CDH13: variants seen among roughly 807,000 people sequenced by gnomAD.
CDH13 encodes cadherin 13.
Under a neutral mutation model 63.8 loss-of-function variants are expected in CDH13, and 24 were observed. That is an observed-to-expected ratio of 0.38 (90% CI 0.27 to 0.53). The LOEUF (loss-of-function observed/expected upper bound fraction) is 0.53. Among genes scored for constraint, CDH13 ranks in the 20% least tolerant of loss-of-function variants. The pLI, the probability that CDH13 is intolerant of heterozygous loss-of-function variation, is 0.85. For missense variants in CDH13, 1,049 were observed against 903.1 expected, an observed-to-expected ratio of 1.16 and a Z score of -2.07; for synonymous variants, 503 against 355.3, an observed-to-expected ratio of 1.42 and a Z score of -4.67.
chr16:83,274,558 C>G (rs1384886674), intron 5 of CDH13, among the ~76,000 whole-genome samples: 1 of 152,100 alleles, frequency 6.6e-6, no homozygotes, highest in Non-Finnish European at 1.5e-5. Context: ...TAATGTATTC[C>G]TTCAAGAAAG....
chr16:82,856,299 C>A (rs982145889), intron 1 of CDH13, among the ~76,000 whole-genome samples: 5 of 149,044 alleles, frequency 3.4e-5, no homozygotes, highest in African/African-American at 9.9e-5. Context: ...TGGCGTCAAG[C>A]TGGGGGCGGA....
chr16:82,889,580 G>A (rs539312923), intron 2 of CDH13, among the ~76,000 whole-genome samples: 1 of 152,254 alleles, frequency 6.6e-6, no homozygotes, highest in South Asian at 2.1e-4. Context: ...CATGTATCTG[G>A]TTTATAGTAT....
chr16:83,230,830 T>C (rs2039981843), intron 5 of CDH13, among the ~76,000 whole-genome samples: 1 of 152,186 alleles, frequency 6.6e-6, no homozygotes, highest in African/African-American at 2.4e-5. Context: ...AAGTATTTCT[T>C]GGGAATGCCA....
At chr16:82,651,456 C>G (rs1035104800) in intron 1 of CDH13, among the ~76,000 whole-genome samples, 1 of 152,200 alleles carries the variant, frequency 6.6e-6, no homozygotes, top group Non-Finnish European at 1.5e-5. Flanking sequence ...AAACAATTGG[C>G]AGAACCACGG....
intron 6 of CDH13, among the ~76,000 whole-genome samples, chr16:83,418,702 G>A (rs932957029): frequency 1.3e-5 from 2 of 152,198 alleles, no homozygotes; most frequent in African/African-American, 2.4e-5. Flanking sequence ...GAGAGAGAGA[G>A]AGAGACAGAG....
intron 6 of CDH13, among the ~76,000 whole-genome samples, chr16:83,408,109 G>C (rs890776227): frequency 6.6e-6 from 1 of 152,156 alleles, no homozygotes; most frequent in African/African-American, 2.4e-5. Flanking sequence ...CTCATTTGCT[G>C]CTAAAGATGT....
At chr16:82,832,714 A>C (rs2038600491) in intron 1 of CDH13, among the ~76,000 whole-genome samples, 1 of 145,648 alleles carries the variant, frequency 6.9e-6, no homozygotes, top group Non-Finnish European at 1.5e-5. Context: ...GCCATGTTAC[A>C]GTAAGCTTTT....
rs79382293 is a variant in CDH13, at chr16:83,665,160, G to A, written c.1102-5630G>A. Among the ~76,000 whole-genome samples the A allele has an allele frequency of 8.0e-3, 1,159 of 145,604 alleles. 17 individuals are homozygous for A. Among genetic ancestry groups the A allele is most frequent in the African/African-American group, 0.03 (1,115 of 37,704 alleles). ...GAATGAGCAAGTGTGTGAGTGCCAG[G>A]CATACATAACTGAAAAAAAAAAGCT... On this transcript the variant is annotated intron_variant, in intron 8 of 13. Coordinates refer to ENST00000567109, the MANE Select transcript of CDH13 (RefSeq NM_001257.5).
chr16:82,775,451 C>T (rs1317327665), intron 1 of CDH13, among the ~76,000 whole-genome samples: 1 of 152,192 alleles, frequency 6.6e-6, no homozygotes, highest in African/African-American at 2.4e-5. Flanking sequence ...GGATCACACT[C>T]ACCCCATAGG....
At chr16:83,034,099 T>C (rs1368720178) in intron 3 of CDH13, among the ~76,000 whole-genome samples, 1 of 152,076 alleles carries the variant, frequency 6.6e-6, no homozygotes, top group African/African-American at 2.4e-5. Flanking sequence ...TATAGCTTCT[T>C]TATCTGCAGA....
At chr16:83,419,217 T>C (rs1266089693) in intron 6 of CDH13, among the ~76,000 whole-genome samples, 5 of 152,208 alleles carry the variant, frequency 3.3e-5, no homozygotes, top group Non-Finnish European at 7.3e-5. Flanking sequence ...ACCAGATTTT[T>C]GAGTCTACAT....
chr16:83,231,079 G>A (rs1189778409), intron 5 of CDH13, among the ~76,000 whole-genome samples: 1 of 152,068 alleles, frequency 6.6e-6, no homozygotes, highest in Non-Finnish European at 1.5e-5. Flanking sequence ...AAGACCTGGT[G>A]CTAGGATCGG....
chr16:83,106,115 G>A (rs1194362957), intron 3 of CDH13, among the ~76,000 whole-genome samples: 1 of 152,170 alleles, frequency 6.6e-6, no homozygotes, highest in Admixed American at 6.5e-5. Flanking sequence ...CTTTGATCCA[G>A]TAACACCTCT....
chr16:82,802,562 A>G (rs2036920341), intron 1 of CDH13, among the ~76,000 whole-genome samples: 1 of 152,162 alleles, frequency 6.6e-6, no homozygotes. Flanking sequence ...AAGCATGTGC[A>G]TGATGTGAGT....
At chr16:83,251,934 A>C (rs948031611) in intron 5 of CDH13, among the ~76,000 whole-genome samples, 7 of 151,976 alleles carry the variant, frequency 4.6e-5, no homozygotes, top group African/African-American at 1.7e-4. Flanking sequence ...ATAGCCCCTG[A>C]GGGAGTGCCT....
intron 3 of CDH13, among the ~76,000 whole-genome samples, chr16:83,089,341 A>G (rs1360543804): frequency 6.6e-6 from 1 of 152,228 alleles, no homozygotes; most frequent in Non-Finnish European, 1.5e-5. Flanking sequence ...TGTCATGGCC[A>G]TATTGTTTAA....
chr16:82,990,169 G>A (rs1057093532), intron 2 of CDH13: 2 of 152,192 alleles, frequency 1.3e-5, no homozygotes, highest in African/African-American at 2.4e-5. Flanking sequence ...CTAGAAGTCA[G>A]AGAGCCAACT....
At chr16:83,586,254 G>T (rs1190306755) in intron 7 of CDH13, among the ~76,000 whole-genome samples, 1 of 152,170 alleles carries the variant, frequency 6.6e-6, no homozygotes, top group Non-Finnish European at 1.5e-5. Flanking sequence ...TGCACCCACG[G>T]CTGAGGTTTT....
chr16:83,264,821 T>G (rs1269777282), intron 5 of CDH13, among the ~76,000 whole-genome samples: 2 of 152,082 alleles, frequency 1.3e-5, no homozygotes, highest in Non-Finnish European at 2.9e-5. Context: ...ATTATAATTT[T>G]CACTTATAAA....
Sources: gnomAD v4.1 joint callset for allele counts (sites outside exome capture counted in the v4.1 genomes callset) on GRCh38, gnomAD v4.1.1 for gene constraint, MANE v1.5 for transcripts, NCBI Gene and HGNC (gene_info 2026-07-23, HGNC 2026-07-21) for gene names.